Variants in PHF14 observed in about 807,000 individuals in gnomAD.
PHF14 encodes PHD finger protein 14.
In PHF14, 55 loss-of-function variants were observed where a neutral mutation model predicts 117.9. The ratio of observed to expected loss-of-function variants is 0.47; its 90% CI spans 0.38 to 0.58. PHF14 has a LOEUF of 0.58. Ranked by LOEUF, PHF14 falls within the 20% of genes least tolerant of loss-of-function variation. The probability of loss-of-function intolerance (pLI) is 0.00; values close to 1 mark genes in which losing one functional copy is unlikely to be tolerated. For synonymous variants in PHF14, 409 were observed against 368.6 expected (o/e 1.11, Z -1.26); for missense variants, 978 against 1,122.2 (o/e 0.87, Z 1.84).
At chr7:11,124,575 A>C (rs986912991) in intron 17 of PHF14, among the ~76,000 whole-genome samples, 1 of 152,012 alleles carries the variant, frequency 6.6e-6, no homozygotes, top group Non-Finnish European at 1.5e-5. Flanking sequence ...TCCTCACCAC[A>C]ACCTTTAAGG....
chr7:11,047,451 C>G (rs1486870845), intron 13 of PHF14, among the ~76,000 whole-genome samples: 2 of 151,822 alleles, frequency 1.3e-5, no homozygotes, highest in Non-Finnish European at 1.5e-5. Flanking sequence ...GGTCATCATT[C>G]TGATTATAGG....
At chr7:11,122,813 G>C (rs967486779) in intron 17 of PHF14, among the ~76,000 whole-genome samples, 4 of 152,036 alleles carry the variant, frequency 2.6e-5, no homozygotes, top group African/African-American at 9.7e-5. Flanking sequence ...TATTAAATTA[G>C]TAGTAGCTTC....
rs1422063158 is a variant in PHF14 at position 11,158,999 on chromosome 7, G to A, written c.2773-10417G>A. Among the ~76,000 whole-genome samples the A allele has an allele frequency of 2.0e-5, 3 of 151,978 alleles. No individual in the cohort carries two copies. In the East Asian group the frequency reaches 5.8e-4, roughly 29 times the overall value. ...AAATTGTCAGTTTAAACTATTTACA[G>A]TTTATCTGGCCTCAGAAGTAATAAT... is the stretch of plus-strand genomic sequence containing the variant. On this transcript the variant is annotated intron_variant, in intron 17 of 17. Coordinates refer to ENST00000634607, the MANE Select transcript of PHF14 (RefSeq NM_001007157.2).
At chr7:11,026,094 A>G (rs1236283823) in intron 6 of PHF14, among the ~76,000 whole-genome samples, 1 of 145,324 alleles carries the variant, frequency 6.9e-6, no homozygotes, top group African/African-American at 2.6e-5. Context: ...CCTGGGTGAC[A>G]GTGTGAGACT....
At chr7:11,045,936 A>G (rs1393629530) in intron 13 of PHF14, among the ~76,000 whole-genome samples, 1 of 152,190 alleles carries the variant, frequency 6.6e-6, no homozygotes, top group Non-Finnish European at 1.5e-5. Context: ...AAATGTGATT[A>G]TTTGATTTTT....
intron 6 of PHF14, among the ~76,000 whole-genome samples, chr7:11,026,478 A>C (rs1395452345): frequency 6.6e-6 from 1 of 152,196 alleles, no homozygotes; most frequent in Non-Finnish European, 1.5e-5. Context: ...TTGTAAATTT[A>C]ACAGAGGTTA....
At chr7:11,103,034 A>T in intron 16 of PHF14, 1 of 988,212 alleles carries the variant, frequency 1.0e-6, no homozygotes, top group African/African-American at 1.7e-5. Context: ...TGTTTCCTTC[A>T]ACTTCATACA....
At chr7:11,121,202 A>T (rs1319116748) in intron 17 of PHF14, among the ~76,000 whole-genome samples, 1 of 152,162 alleles carries the variant, frequency 6.6e-6, no homozygotes, top group Admixed American at 6.5e-5. Context: ...GGATCTTTTA[A>T]GGATGGATAT....
At chr7:11,027,453 C>T (rs925587610) in intron 6 of PHF14, among the ~76,000 whole-genome samples, 3 of 152,060 alleles carry the variant, frequency 2.0e-5, no homozygotes, top group African/African-American at 7.2e-5. Context: ...CATAATTTAA[C>T]ATCTTTTTCT....
intron 17 of PHF14, among the ~76,000 whole-genome samples, chr7:11,119,409 A>G (rs942383088): frequency 4.0e-5 from 6 of 151,854 alleles, no homozygotes; most frequent in Non-Finnish European, 7.4e-5. Flanking sequence ...CATAGATCGT[A>G]CTGTTATAAA....
rs59807745 is a variant in PHF14 at position 11,035,681 on chromosome 7, A to G, written c.1497A>G (p.Ala499=). The G allele has an allele frequency of 2.5e-6, 4 of 1,609,978 alleles. No homozygotes were observed. The highest frequency in any genetic ancestry group is 2.2e-5 in the East Asian group (1 of 44,776). The change falls in exon 8 of 18, where the codon GCA becomes GCG. Residue 499 remains alanine, a synonymous_variant. Coordinates refer to ENST00000634607, the MANE Select transcript of PHF14 (RefSeq NM_001007157.2). ...TCTTTGCTTATTGTAAGCAACATGCAGATAGGTTAGACAGAAAGTGGAAGA... is the reference window on the plus strand; with the variant it reads ...TCTTTGCTTATTGTAAGCAACATGCGGATAGGTTAGACAGAAAGTGGAAGA... The part of the protein sequence containing the change: ...DPFFAYCKQH[A]DRLDRKWKRK...
intron 17 of PHF14, among the ~76,000 whole-genome samples, chr7:11,150,407 A>G (rs967247218): frequency 6.6e-6 from 1 of 152,170 alleles, no homozygotes; most frequent in Non-Finnish European, 1.5e-5. Context: ...TTTCAAGTGT[A>G]TAATTTTCTT....
intron 16 of PHF14, among the ~76,000 whole-genome samples, chr7:11,076,435 A>T (rs554206822): frequency 9.9e-5 from 15 of 152,116 alleles, no homozygotes; most frequent in South Asian, 4.1e-4. Context: ...TTATTTTTTT[A>T]AAATGTACTG....
At chr7:11,165,986 C>A (rs117020725) in intron 17 of PHF14, among the ~76,000 whole-genome samples, 9 of 152,202 alleles carry the variant, frequency 5.9e-5, no homozygotes, top group Non-Finnish European at 1.3e-4. Flanking sequence ...CAATTCTGTC[C>A]GTGTAAAAAG....
intron 17 of PHF14, among the ~76,000 whole-genome samples, chr7:11,124,594 G>GT (rs200754100): frequency 0.02 from 3,020 of 150,788 alleles, 41 homozygotes; most frequent in Middle Eastern, 0.045. Context: ...GGTGGTTATT[G>GT]TTTTTTTTTA....
chr7:11,093,349 G>A (rs1014048446), intron 16 of PHF14, among the ~76,000 whole-genome samples: 8 of 152,134 alleles, frequency 5.3e-5, no homozygotes, highest in African/African-American at 1.9e-4. Context: ...CGCCTGAAAA[G>A]GGCACACCTG....
chr7:11,079,097 T>G (rs993757621), intron 16 of PHF14, among the ~76,000 whole-genome samples: 1 of 152,176 alleles, frequency 6.6e-6, no homozygotes, highest in African/African-American at 2.4e-5. Context: ...GTTATCAGTT[T>G]TTGAATGAGC....
At chr7:11,017,969 C>G (rs780590779) in intron 5 of PHF14, among the ~76,000 whole-genome samples, 1 of 152,106 alleles carries the variant, frequency 6.6e-6, no homozygotes, top group Non-Finnish European at 1.5e-5. Flanking sequence ...TAGTTTCCTT[C>G]TTCTGCATAT....
intron 17 of PHF14, among the ~76,000 whole-genome samples, chr7:11,160,796 G>A (rs762115365): frequency 8.5e-5 from 13 of 152,096 alleles, no homozygotes; most frequent in Non-Finnish European, 1.2e-4. Context: ...TAAGTTTCTT[G>A]TAGATTCTGG....
Sources: gnomAD v4.1 joint callset for allele counts (sites outside exome capture counted in the v4.1 genomes callset) on GRCh38, gnomAD v4.1.1 for gene constraint, MANE v1.5 for transcripts, NCBI Gene and HGNC (gene_info 2026-07-23, HGNC 2026-07-21) for gene names.